TMEM132D: variants seen among roughly 807,000 people sequenced by gnomAD.
TMEM132D encodes transmembrane protein 132D, also known as mature OL transmembrane protein.
A neutral mutation model predicts 62.3 loss-of-function variants in TMEM132D; 21 were observed. The observed-to-expected ratio is 0.34, with a 90% CI of 0.24 to 0.49. TMEM132D has a LOEUF of 0.49. TMEM132D is among the 20% of genes least tolerant of loss of function. The pLI, the probability that TMEM132D is intolerant of heterozygous loss-of-function variation, is 0.99. For missense variants in TMEM132D, 1,346 were observed against 1,402.8 expected (o/e 0.96, Z 0.65); for synonymous variants, 621 against 575.6 (o/e 1.08, Z -1.13).
At chr12:129,645,275 TTCC>T (rs1282187411) in intron 2 of TMEM132D, among the ~76,000 whole-genome samples, 14 of 152,134 alleles carry the variant, frequency 9.2e-5, no homozygotes, top group African/African-American at 3.1e-4. Flanking sequence ...GCCAGGCCTT[TTCC>T]TTTCTCTCTC....
intron 1 of TMEM132D, among the ~76,000 whole-genome samples, chr12:129,769,336 A>T (rs1295420580): frequency 6.6e-6 from 1 of 152,200 alleles, no homozygotes; most frequent in Non-Finnish European, 1.5e-5. Flanking sequence ...CAGGCAAGAG[A>T]GAATGAGAGC....
intron 1 of TMEM132D, among the ~76,000 whole-genome samples, chr12:129,714,347 AC>A (rs1346719246): frequency 6.6e-6 from 1 of 151,974 alleles, no homozygotes; most frequent in African/African-American, 2.4e-5. Flanking sequence ...AAATCTGCAG[AC>A]CCCCCTTTAA....
chr12:129,406,453 TA>T (rs779416565), intron 3 of TMEM132D, among the ~76,000 whole-genome samples: 23 of 152,058 alleles, frequency 1.5e-4, no homozygotes, highest in Non-Finnish European at 5.9e-5. Context: ...ACCCCGTCTC[TA>T]CTAAAAATAC....
At chr12:129,790,922 A>C (rs2137298459) in intron 1 of TMEM132D, among the ~76,000 whole-genome samples, 1 of 152,364 alleles carries the variant, frequency 6.6e-6, no homozygotes, top group Admixed American at 6.5e-5. Context: ...ACAAATATTC[A>C]GGCTATCTGC....
chr12:129,501,365 CT>C (rs1397012367), intron 3 of TMEM132D, among the ~76,000 whole-genome samples: 4 of 151,684 alleles, frequency 2.6e-5, no homozygotes, highest in African/African-American at 9.7e-5. Flanking sequence ...TGCAATTTCT[CT>C]TTTGAAAAAA....
intron 8 of TMEM132D, among the ~76,000 whole-genome samples, chr12:129,075,649 G>A (rs894420449): frequency 3.3e-4 from 50 of 152,174 alleles, no homozygotes; most frequent in African/African-American, 1.2e-3. Flanking sequence ...CATAGTCTTG[G>A]CTTGGAGGGA....
chr12:129,219,131 C>T (rs1879287230), intron 4 of TMEM132D, among the ~76,000 whole-genome samples: 1 of 152,092 alleles, frequency 6.6e-6, no homozygotes, highest in South Asian at 2.1e-4. Flanking sequence ...GCTCTGTGTC[C>T]CCACCCAAAT....
chr12:129,203,563 T>C (rs1277971533), intron 5 of TMEM132D, among the ~76,000 whole-genome samples: 1 of 152,214 alleles, frequency 6.6e-6, no homozygotes, highest in Non-Finnish European at 1.5e-5. Context: ...AAGCCACTCC[T>C]GCTAGAGCTT....
intron 3 of TMEM132D, among the ~76,000 whole-genome samples, chr12:129,341,647 T>C (rs1490620780): frequency 1.3e-5 from 2 of 152,200 alleles, no homozygotes; most frequent in Non-Finnish European, 2.9e-5. Context: ...CTTGGGAGTG[T>C]CCAGATATCC....
At chr12:129,537,158 T>TTAAAAAAAAAAAA (rs551400531) in intron 2 of TMEM132D, among the ~76,000 whole-genome samples, 1 of 114,354 alleles carries the variant, frequency 8.7e-6, no homozygotes, top group African/African-American at 3.4e-5. Context: ...AAACTCTGTC[T>TTAAAAAAAAAAAA]AAAAAAAAAA....
chr12:129,586,884 T>G (rs1878044772), intron 2 of TMEM132D, among the ~76,000 whole-genome samples: 1 of 152,092 alleles, frequency 6.6e-6, no homozygotes, highest in African/African-American at 2.4e-5. Flanking sequence ...TGGCTATACA[T>G]GTTAAAAATA....
intron 8 of TMEM132D, among the ~76,000 whole-genome samples, chr12:129,076,044 T>G (rs1432598310): frequency 6.6e-6 from 1 of 152,006 alleles, no homozygotes; most frequent in Admixed American, 6.5e-5. Context: ...AGACAGCTGC[T>G]GCCATTAGAG....
intron 4 of TMEM132D, among the ~76,000 whole-genome samples, chr12:129,317,149 C>T (rs190595511): frequency 3.9e-5 from 6 of 152,092 alleles, no homozygotes; most frequent in Non-Finnish European, 2.9e-5. Flanking sequence ...ATGTGAGGTA[C>T]CCTCGCATTC....
chr12:129,406,347 G>A (rs576130763), intron 3 of TMEM132D, among the ~76,000 whole-genome samples: 6 of 152,296 alleles, frequency 3.9e-5, no homozygotes, highest in South Asian at 2.1e-4. Flanking sequence ...TGGGCTGGGC[G>A]TGGTGGCTTA....
Position 129,122,827 on chromosome 12 carries a change from T to A in TMEM132D, c.1444-38125A>T, listed in dbSNP as rs372938114. On this transcript the variant is annotated intron_variant, in intron 5 of 8. Coordinates refer to ENST00000422113, the MANE Select transcript of TMEM132D (RefSeq NM_133448.3). ...GTTTAAATGCCTTACTTATTTGACA[T>A]GAAATACTGAAGTTAACATAAAACT... Among the ~76,000 whole-genome samples, 35 of 152,320 alleles carry A rather than the reference T, an allele frequency of 2.3e-4. No homozygotes were observed. The South Asian group carries it at 7.2e-3, about 32-fold the overall frequency.
intron 2 of TMEM132D, among the ~76,000 whole-genome samples, chr12:129,546,477 C>T (rs192591157): frequency 9.2e-5 from 14 of 152,148 alleles, no homozygotes; most frequent in African/African-American, 2.9e-4. Flanking sequence ...CTTTAGAGCA[C>T]GTATATTAAC....
intron 2 of TMEM132D, among the ~76,000 whole-genome samples, chr12:129,590,732 C>A (rs908699011): frequency 1.3e-5 from 2 of 152,144 alleles, no homozygotes; most frequent in Admixed American, 6.5e-5. Context: ...GCTTGGGCAT[C>A]CTGTGTTTTT....
intron 3 of TMEM132D, among the ~76,000 whole-genome samples, chr12:129,405,888 T>C (rs1321019338): frequency 6.6e-6 from 1 of 152,210 alleles, no homozygotes; most frequent in Non-Finnish European, 1.5e-5. Flanking sequence ...TCTTTTTCTT[T>C]AGTAAGCTTT....
At chr12:129,872,190 C>T (rs1371988620) in intron 1 of TMEM132D, among the ~76,000 whole-genome samples, 4 of 152,244 alleles carry the variant, frequency 2.6e-5, no homozygotes, top group Non-Finnish European at 5.9e-5. Context: ...TTAAATTCCT[C>T]TATTCAGTTG....
Sources: gnomAD v4.1 joint callset for allele counts (sites outside exome capture counted in the v4.1 genomes callset) on GRCh38, gnomAD v4.1.1 for gene constraint, MANE v1.5 for transcripts, NCBI Gene and HGNC (gene_info 2026-07-23, HGNC 2026-07-21) for gene names.